Variants in KLHL25 observed in about 807,000 individuals in gnomAD.
KLHL25 encodes kelch like family member 25.
KLHL25 carries 41 observed loss-of-function variants against 30.0 expected under a neutral mutation model. The observed-to-expected ratio is 1.37, with a 90% CI of 1.07 to 1.78. KLHL25 has a LOEUF of 1.78. KLHL25 is among the 40% of genes most tolerant of loss of function. KLHL25 has a pLI of 0.00. For synonymous variants in KLHL25, 399 were observed against 355.3 expected, an observed-to-expected ratio of 1.12 and a Z score of -1.38; for missense variants, 971 against 824.5, an observed-to-expected ratio of 1.18 and a Z score of -2.18.
Position 85,768,808 on chromosome 15 carries a change from C to T in KLHL25, c.1003G>A (p.Ala335Thr), listed in dbSNP as rs577825936. The T allele has an allele frequency of 4.0e-5, 64 of 1,613,322 alleles. 1 individual carries two copies. In the South Asian group the frequency reaches 4.5e-4, roughly 11 times the overall value. ...DLPSPRKEFS[A>T]SAIGCKVYVT... is the part of the protein sequence containing the mutation. ...TAGACCTTGCAGCCGATCGCTGAGG[C>T]GCTGAACTCCTTCCGGGGGCTGGGC... The change falls in exon 2 of 3, where the codon GCC becomes ACC. Residue 335 changes from alanine to threonine, a missense_variant. Transcript: ENST00000337975.
At chr15:85,788,199 G>T (rs571584662) in intron 1 of KLHL25, among the ~76,000 whole-genome samples, 5 of 152,112 alleles carry the variant, frequency 3.3e-5, no homozygotes, top group Non-Finnish European at 7.3e-5. Context: ...GCACCTCTCT[G>T]TGCCTCATGA....
At chr15:85,774,877 T>C (rs1046498575) in intron 1 of KLHL25, among the ~76,000 whole-genome samples, 40 of 110,618 alleles carry the variant, frequency 3.6e-4, no homozygotes, top group Non-Finnish European at 6.0e-4. Flanking sequence ...CTTTTTTTCT[T>C]TTCTTTTTTT....
chr15:85,774,108 G>C (rs941718607), intron 1 of KLHL25, among the ~76,000 whole-genome samples: 4 of 152,170 alleles, frequency 2.6e-5, no homozygotes, highest in Non-Finnish European at 5.9e-5. Context: ...AGCGGCGGGG[G>C]GTGGGGAGCA....
rs534211658 is a variant in KLHL25, at chr15:85,778,070, T to C, written c.-10-8250A>G. Among the ~76,000 whole-genome samples, 4 of 152,372 alleles carry C rather than the reference T, an allele frequency of 2.6e-5. No individual in the cohort carries two copies. In the South Asian group the frequency reaches 8.3e-4, roughly 32 times the overall value. ...GCAGCTGTACAGGAGAAAGATTTTATTTCTTGCTCATACTATTAATACATG... is the reference window on the plus strand; with the variant it reads ...GCAGCTGTACAGGAGAAAGATTTTACTTCTTGCTCATACTATTAATACATG... On this transcript the variant is annotated intron_variant, in intron 1 of 2. Coordinates refer to ENST00000337975, the MANE Select transcript of KLHL25 (RefSeq NM_022480.4).
At chr15:85,790,212 C>T (rs2089807454) in intron 1 of KLHL25, among the ~76,000 whole-genome samples, 1 of 152,200 alleles carries the variant, frequency 6.6e-6, no homozygotes, top group Non-Finnish European at 1.5e-5. Context: ...CCTCAGCCTC[C>T]CAAGTAGCTG....
intron 1 of KLHL25, among the ~76,000 whole-genome samples, chr15:85,790,529 A>C (rs2089809745): frequency 6.6e-6 from 1 of 152,222 alleles, no homozygotes; most frequent in Admixed American, 6.5e-5. Flanking sequence ...TTTTATAGCA[A>C]AACATTTAAT....
At chr15:85,765,839 AAAAG>A (rs1410407011) in intron 2 of KLHL25, among the ~76,000 whole-genome samples, 15 of 150,150 alleles carry the variant, frequency 1.0e-4, no homozygotes, top group Middle Eastern at 3.4e-3. Flanking sequence ...AAAAAAAAAA[AAAAG>A]AAAAAGAAAA....
intron 1 of KLHL25, among the ~76,000 whole-genome samples, chr15:85,772,742 G>T (rs1463367957): frequency 6.6e-6 from 1 of 152,240 alleles, no homozygotes; most frequent in African/African-American, 2.4e-5. Flanking sequence ...AGAGAAGGAG[G>T]CAGAGCAGTG....
chr15:85,760,762 T>C lies in KLHL25; in HGVS notation c.*274A>G, dbSNP rs1193375138. The C allele has an allele frequency of 6.6e-6, 1 of 152,436 alleles. No individual in the cohort carries two copies. The highest frequency in any genetic ancestry group is 1.5e-5 in the Non-Finnish European group (1 of 68,196). 9.4% of individuals were successfully genotyped at this position (152,436 alleles called of 1,614,324 possible). A position where few individuals can be genotyped will look rare whatever the true frequency, so the allele number is the denominator to read the frequency against. On this transcript the variant is annotated 3_prime_UTR_variant, in exon 3 of 3. Coordinates refer to ENST00000337975, the MANE Select transcript of KLHL25 (RefSeq NM_022480.4). The stretch of plus-strand genomic sequence containing the variant: ...TCCTTCTCCCCGACGCCAGGGTCAG[T>C]CCTGGTGGCAGTCCATGCCCCTCTG...
chr15:85,792,987 G>T (rs1016727399), intron 1 of KLHL25, among the ~76,000 whole-genome samples: 5 of 152,132 alleles, frequency 3.3e-5, no homozygotes, highest in Non-Finnish European at 7.3e-5. Context: ...AATCAAGTCT[G>T]TTCAAACAAT....
chr15:85,779,388 C>T (rs936838891), intron 1 of KLHL25, among the ~76,000 whole-genome samples: 6 of 152,172 alleles, frequency 3.9e-5, no homozygotes, highest in Non-Finnish European at 8.8e-5. Flanking sequence ...TGGGGACACA[C>T]AGCTTAGTTC....
intron 1 of KLHL25, among the ~76,000 whole-genome samples, chr15:85,777,749 C>T (rs909946261): frequency 3.9e-5 from 6 of 152,176 alleles, no homozygotes; most frequent in Non-Finnish European, 8.8e-5. Context: ...ACGCTGGGCC[C>T]TACCCAGTTT....
Position 85,760,124 on chromosome 15 carries a change from C to A in KLHL25, c.*912G>T, listed in dbSNP as rs758640219. The A allele has an allele frequency of 6.6e-6, 1 of 152,274 alleles. No homozygotes were observed. The highest frequency in any genetic ancestry group is 1.5e-5 in the Non-Finnish European group (1 of 68,062). 9.4% of individuals were successfully genotyped at this position (152,274 alleles called of 1,614,324 possible). A position where few individuals can be genotyped will look rare whatever the true frequency, so the allele number is the denominator to read the frequency against. On this transcript the variant is annotated 3_prime_UTR_variant, in exon 3 of 3. Coordinates refer to ENST00000337975, the MANE Select transcript of KLHL25 (RefSeq NM_022480.4). ...GCCCTGGTGGGATCTGCAGGGGACA[C>A]CCTGGGGTCCCTCTGCTGTCTCCAG... is the stretch of plus-strand genomic sequence containing the variant.
intron 1 of KLHL25, among the ~76,000 whole-genome samples, chr15:85,771,506 C>T (rs1249936358): frequency 6.6e-6 from 1 of 152,224 alleles, no homozygotes; most frequent in East Asian, 1.9e-4. Flanking sequence ...GCTCACTCCT[C>T]CTCTGGAAAA....
In KLHL25 at chr15:85,768,878, G is replaced by C; in HGVS notation, c.933C>G (p.Tyr311Ter). The change falls in exon 2 of 3, where the codon TAC becomes TAG. Residue 311 changes from tyrosine to a stop codon, truncating the protein, a stop_gained. Transcript: ENST00000337975. LOFTEE classifies it high-confidence loss of function. ...TCTCCTTGGCCTTGTGGTCCACCTG[G>C]TAGATCTTGTCACACATGAAGGTCT... ...GGQTFMCDKIYQVDHKAKEII... is the reference protein window; with the variant it reads ...GGQTFMCDKI 1 of 1,613,332 alleles carries C rather than the reference G, an allele frequency of 6.2e-7. No homozygotes were observed. Among genetic ancestry groups the C allele is most frequent in the Non-Finnish European group, 8.5e-7 (1 of 1,180,048 alleles).
chr15:85,776,924 C>CAAAA (rs201819421), intron 1 of KLHL25, among the ~76,000 whole-genome samples: 3 of 149,874 alleles, frequency 2.0e-5, no homozygotes, highest in African/African-American at 7.3e-5. Context: ...GACTCCATCT[C>CAAAA]AAAAAAAATA....
chr15:85,779,680 T>C (rs2089731731), intron 1 of KLHL25, among the ~76,000 whole-genome samples: 1 of 152,236 alleles, frequency 6.6e-6, no homozygotes, highest in Non-Finnish European at 1.5e-5. Context: ...AGAGTTGCCA[T>C]TTTCCTATTC....
chr15:85,776,332 T>C (rs1277856237), intron 1 of KLHL25, among the ~76,000 whole-genome samples: 2 of 150,906 alleles, frequency 1.3e-5, no homozygotes, highest in Non-Finnish European at 3.0e-5. Flanking sequence ...CTACTAAAAG[T>C]ATAAAAATTA....
Position 85,760,870 on chromosome 15 carries a change from C to T in KLHL25, c.*166G>A, listed in dbSNP as rs958913927. 2 of 152,344 alleles carry T rather than the reference C, an allele frequency of 1.3e-5. No homozygotes were observed. The highest frequency in any genetic ancestry group is 2.9e-5 in the Non-Finnish European group (2 of 68,106). 9.4% of individuals were successfully genotyped at this position (152,344 alleles called of 1,614,324 possible). On this transcript the variant is annotated 3_prime_UTR_variant, in exon 3 of 3. Transcript: ENST00000337975. ...TGCAAGAGATGCTTCTCTTCTCTTGCCTAAAGCTCAGAACAGCCCAAGGCT... is the reference window on the plus strand; with the variant it reads ...TGCAAGAGATGCTTCTCTTCTCTTGTCTAAAGCTCAGAACAGCCCAAGGCT...
Sources: allele counts gnomAD v4.1 joint callset (sites outside exome capture counted in the v4.1 genomes callset), GRCh38; gene constraint gnomAD v4.1.1; transcripts MANE v1.5; gene names NCBI Gene and HGNC (gene_info 2026-07-23, HGNC 2026-07-21).